BCL11A: variants seen among roughly 807,000 people sequenced by gnomAD.
The protein encoded by BCL11A is BCL11 transcription factor A, also known as B cell CLL/lymphoma 11A.
BCL11A carries 2 observed loss-of-function variants against 55.9 expected under a neutral mutation model. That is an observed-to-expected ratio of 0.04 (90% confidence interval 0.01 to 0.11). The LOEUF (loss-of-function observed/expected upper bound fraction) is 0.11. Ranked by LOEUF, BCL11A falls within the 10% of genes least tolerant of loss-of-function variation. BCL11A has a pLI of 1.00. For missense variants in BCL11A, 817 were observed against 1,137.1 expected, an observed-to-expected ratio of 0.72 and a Z score of 4.05; for synonymous variants, 465 against 473.4, an observed-to-expected ratio of 0.98 and a Z score of 0.23.
At position 60,459,825 on chromosome 2, in the gene BCL11A, C is replaced by G; in HGVS notation, c.*579G>C. Reference sequence around the variant, plus strand: ...AGCTCATAGAGATTTTTTTTCAGTGCTATCTATTCTGTCTATAGAGGGTTA... The same window carrying G: ...AGCTCATAGAGATTTTTTTTCAGTGGTATCTATTCTGTCTATAGAGGGTTA... On this transcript the variant is annotated 3_prime_UTR_variant, in exon 4 of 4. Coordinates refer to ENST00000642384, the MANE Select transcript of BCL11A (RefSeq NM_022893.4). 9.6e-7 allele frequency: 1 copy of G among 1,042,808 alleles called. No individual in the cohort carries two copies. The highest frequency in any genetic ancestry group is 1.2e-6 in the Non-Finnish European group (1 of 865,122). 64.6% of individuals were successfully genotyped at this position (1,042,808 alleles called of 1,614,324 possible). A position where few individuals can be genotyped will look rare whatever the true frequency, so the allele number is the denominator to read the frequency against.
chr2:60,550,077 C>A (rs1440669960), intron 1 of BCL11A, among the ~76,000 whole-genome samples: 1 of 152,086 alleles, frequency 6.6e-6, no homozygotes, highest in Non-Finnish European at 1.5e-5. Context: ...CTGTGCTTTG[C>A]ATGGGGGTGA....
exon 5 of BCL11A, chr2:60,451,649 G>T (rs1481565624): frequency 4.3e-6 from 1 of 230,390 alleles, no homozygotes; most frequent in East Asian, 6.2e-5. Context: ...TATATTTCCT[G>T]AAGGTTTGGG....
At chr2:60,529,595 G>C (rs1339906513) in intron 2 of BCL11A, among the ~76,000 whole-genome samples, 1 of 152,078 alleles carries the variant, frequency 6.6e-6, no homozygotes, top group Non-Finnish European at 1.5e-5. Flanking sequence ...GCCTCTAAGG[G>C]CTTGGCTGAG....
chr2:60,502,785 T>A (rs969140841), intron 2 of BCL11A, among the ~76,000 whole-genome samples: 7 of 152,170 alleles, frequency 4.6e-5, no homozygotes, highest in African/African-American at 1.7e-4. Context: ...CAATTGGTGA[T>A]CAAAAGAAAT....
chr2:60,461,110 G>C lies in BCL11A; in HGVS notation c.1802C>G (p.Thr601Ser). The change falls in exon 4 of 4, where the codon ACT becomes AGT. Residue 601 changes from threonine to serine, a missense_variant. This residue lies in a region of BCL11A where 379 missense variants were observed against 425.3 expected (regional missense o/e 0.89). Coordinates refer to ENST00000642384, the MANE Select transcript of BCL11A (RefSeq NM_022893.4). ...AGESDRIDDG[T>S]VNGRGCSPGE... ...CGGGGAGCAGCCGCGGCCATTAACA[G>C]TGCCATCGTCTATGCGGTCCGACTC... 6.2e-7 allele frequency: 1 copy of C among 1,607,516 alleles called. No individual in the cohort carries two copies. The highest frequency in any genetic ancestry group is 8.5e-7 in the Non-Finnish European group (1 of 1,177,116).
intron 2 of BCL11A, among the ~76,000 whole-genome samples, chr2:60,492,293 G>C (rs978704660): frequency 2.0e-5 from 3 of 152,178 alleles, no homozygotes; most frequent in African/African-American, 7.2e-5. Flanking sequence ...CTTGAGCCTA[G>C]GAGATCAAGG....
intron 2 of BCL11A, among the ~76,000 whole-genome samples, chr2:60,501,512 T>C (rs888377998): frequency 6.7e-6 from 1 of 150,124 alleles, no homozygotes; most frequent in Admixed American, 6.6e-5. Flanking sequence ...TTTCTTTTTT[T>C]TTTTTTTTTT....
chr2:60,481,765 TA>T (rs1207937458), intron 2 of BCL11A, among the ~76,000 whole-genome samples: 2 of 152,194 alleles, frequency 1.3e-5, no homozygotes, highest in Non-Finnish European at 2.9e-5. Flanking sequence ...ATTAATTTTC[TA>T]ACAGAACCCT....
intron 2 of BCL11A, chr2:60,536,025 C>T (rs1178638214): frequency 6.6e-6 from 1 of 152,188 alleles, no homozygotes; most frequent in Non-Finnish European, 1.5e-5. Flanking sequence ...TCCTCCCAAC[C>T]CCAACCTCTC....
downstream of BCL11A, chr2:60,451,006 C>G (rs976108185): frequency 5.7e-6 from 1 of 174,396 alleles, no homozygotes; most frequent in African/African-American, 2.4e-5. Context: ...AACCTGGCTT[C>G]TCTGCTTTCT....
At chr2:60,544,672 A>T (rs1316081386) in intron 2 of BCL11A, 1 of 152,238 alleles carries the variant, frequency 6.6e-6, no homozygotes, top group Non-Finnish European at 1.5e-5. Context: ...TGGTCAAACT[A>T]GGTCGGAGAG....
In BCL11A at chr2:60,459,175, C is replaced by T. The variant is rs1676096216; in HGVS notation, c.*1229G>A. 6.8e-6 allele frequency: 7 copies of T among 1,023,576 alleles called. No homozygotes were observed. The highest frequency in any genetic ancestry group is 8.2e-6 in the Non-Finnish European group (7 of 852,398). 63.4% of individuals were successfully genotyped at this position (1,023,576 alleles called of 1,614,324 possible). On this transcript the variant is annotated 3_prime_UTR_variant, in exon 4 of 4. Coordinates refer to ENST00000642384, the MANE Select transcript of BCL11A (RefSeq NM_022893.4). ...CCCCTCTGTCAAACCTTATTGTCAG[C>T]CTCTTCCTTTCAATATGGTATACAA...
chr2:60,491,627 C>T (rs112387548), intron 2 of BCL11A, among the ~76,000 whole-genome samples: 108 of 151,354 alleles, frequency 7.1e-4, no homozygotes, highest in African/African-American at 2.5e-3. Context: ...GCCGAGATCG[C>T]GCCATTGCAT....
intron 2 of BCL11A, among the ~76,000 whole-genome samples, chr2:60,529,957 G>A (rs1669373459): frequency 6.6e-6 from 1 of 152,170 alleles, no homozygotes; most frequent in African/African-American, 2.4e-5. Flanking sequence ...TAGTAACAGG[G>A]AAATTCAATT....
intron 2 of BCL11A, among the ~76,000 whole-genome samples, chr2:60,501,952 G>C (rs534404597): frequency 1.3e-5 from 2 of 152,194 alleles, no homozygotes; most frequent in East Asian, 3.9e-4. Context: ...TATTTTACTA[G>C]TGAATTATGG....
At chr2:60,489,451 C>A (rs1013850149) in intron 2 of BCL11A, among the ~76,000 whole-genome samples, 1 of 152,200 alleles carries the variant, frequency 6.6e-6, no homozygotes, top group Non-Finnish European at 1.5e-5. Flanking sequence ...AAACACACGG[C>A]GGCCCTGCGT....
At chr2:60,527,155 G>A (rs766209493) in intron 2 of BCL11A, 1 of 152,134 alleles carries the variant, frequency 6.6e-6, no homozygotes, top group Non-Finnish European at 1.5e-5. Flanking sequence ...CTTACCTAAC[G>A]AAGGCAGAAA....
At chr2:60,488,007 A>T (rs1260611655) in intron 2 of BCL11A, among the ~76,000 whole-genome samples, 2 of 152,248 alleles carry the variant, frequency 1.3e-5, no homozygotes, top group African/African-American at 4.8e-5. Flanking sequence ...GAAGCAATAT[A>T]TGAACAATTA....
At chr2:60,505,367 A>C (rs976886454) in intron 2 of BCL11A, among the ~76,000 whole-genome samples, 4 of 152,188 alleles carry the variant, frequency 2.6e-5, no homozygotes, top group Admixed American at 6.5e-5. Context: ...AGAACACACC[A>C]CTTTGTCAGG....
Sources: allele counts gnomAD v4.1 joint callset (sites outside exome capture counted in the v4.1 genomes callset), GRCh38; gene constraint gnomAD v4.1.1; regional missense constraint gnomAD v4.1.1; transcripts MANE v1.5; gene names NCBI Gene and HGNC (gene_info 2026-07-23, HGNC 2026-07-21).